The following UGT1A10 variants were observed in gnomAD, a reference collection of about 807,000 sequenced individuals.
UGT1A10 encodes the protein UDP glucuronosyltransferase family 1 member A10.
A neutral mutation model predicts 45.8 loss-of-function variants in UGT1A10; 49 were observed. The ratio of observed to expected loss-of-function variants is 1.07; its 90% confidence interval spans 0.85 to 1.36. UGT1A10 has a LOEUF of 1.36. Ranked by LOEUF, UGT1A10 falls within the 40% of genes most tolerant of loss-of-function variation. UGT1A10 has a pLI of 0.00. For synonymous variants in UGT1A10, 284 were observed against 249.7 expected (o/e 1.14, Z -1.29); for missense variants, 745 against 668.6 (o/e 1.11, Z -1.26).
At chr2:233,746,133 C>A (rs1693313600) in intron 1 of UGT1A10, among the ~76,000 whole-genome samples, 1 of 151,790 alleles carries the variant, frequency 6.6e-6, no homozygotes, top group African/African-American at 2.4e-5. Context: ...TGTGGACTGG[C>A]ACCTGAGTGA....
chr2:233,676,948 G>T (rs1392373524), intron 1 of UGT1A10, among the ~76,000 whole-genome samples: 2 of 152,014 alleles, frequency 1.3e-5, no homozygotes, highest in African/African-American at 4.8e-5. Flanking sequence ...TGAAATATTT[G>T]ATTACTATAG....
intron 1 of UGT1A10, among the ~76,000 whole-genome samples, chr2:233,685,068 G>A (rs143799403): frequency 6.6e-4 from 101 of 152,238 alleles, no homozygotes; most frequent in East Asian, 9.6e-4. Flanking sequence ...CTGCACAGGA[G>A]ATTTTTTTTC....
Position 233,751,190 on chromosome 2 carries a change from G to C in UGT1A10, c.856-15844G>C, listed in dbSNP as rs551144438. Among the ~76,000 whole-genome samples the C allele has an allele frequency of 1.2e-4, 18 of 152,080 alleles. 2 individuals carry two copies. Among genetic ancestry groups the C allele is most frequent in the African/African-American group, 4.4e-4 (18 of 41,324 alleles). ...CCTAGATATGAGACATGAAGTTAAA[G>C]GTGATAATTTTGGAGCTTTAAGATT... On this transcript the variant is annotated intron_variant, in intron 1 of 4. Transcript: ENST00000344644.
At chr2:233,725,215 C>G (rs1487154592) in intron 1 of UGT1A10, among the ~76,000 whole-genome samples, 2 of 85,916 alleles carry the variant, frequency 2.3e-5, no homozygotes, top group African/African-American at 2.0e-4. Context: ...GAGGCAGAGG[C>G]AGAGGAGGCA....
At chr2:233,698,678 A>G (rs1465077839) in intron 1 of UGT1A10, among the ~76,000 whole-genome samples, 1 of 152,248 alleles carries the variant, frequency 6.6e-6, no homozygotes, top group East Asian at 1.9e-4. Context: ...CAACTATAAA[A>G]CAAATACATT....
chr2:233,640,477 C>A (rs1439373455), intron 1 of UGT1A10, among the ~76,000 whole-genome samples: 4 of 152,128 alleles, frequency 2.6e-5, no homozygotes, highest in Admixed American at 1.3e-4. Flanking sequence ...AATATTATCT[C>A]ATTTCTAGCC....
In UGT1A10 at chr2:233,689,926, C is replaced by T. The variant is rs185092519; in HGVS notation, c.855+52549C>T. The T allele has an allele frequency of 1.9e-3, 845 of 456,594 alleles. 3 individuals are homozygous for T. Among genetic ancestry groups the T allele is most frequent in the Non-Finnish European group, 2.6e-3 (593 of 226,930 alleles). The allele number at this position is 456,594 out of a possible 1,614,324, so 28.3% of individuals were successfully genotyped here. A position where few individuals can be genotyped will look rare whatever the true frequency, so the allele number is the denominator to read the frequency against. ...CCAGGTAGGTGCCTGGAATTTCCTT[C>T]GAAAGAACCCAAGATTTTCCTTTAT... On this transcript the variant is annotated intron_variant, in intron 1 of 4. Transcript: ENST00000344644.
At chr2:233,700,536 A>T (rs2075571334) in intron 1 of UGT1A10, among the ~76,000 whole-genome samples, 1 of 152,216 alleles carries the variant, frequency 6.6e-6, no homozygotes, top group South Asian at 2.1e-4. Context: ...ACTCTAGGAG[A>T]ATGAGAATAA....
intron 1 of UGT1A10, chr2:233,717,992 T>C: frequency 2.4e-6 from 1 of 424,356 alleles, no homozygotes; most frequent in Non-Finnish European, 4.7e-6. Flanking sequence ...ATTCAGACTG[T>C]GCAAGATCTG....
chr2:233,766,494 G>T (rs1250106940), intron 1 of UGT1A10, among the ~76,000 whole-genome samples: 2 of 152,182 alleles, frequency 1.3e-5, no homozygotes, highest in Non-Finnish European at 2.9e-5. Flanking sequence ...GGCGTGGCAG[G>T]CCAGGGTGGT....
intron 1 of UGT1A10, among the ~76,000 whole-genome samples, chr2:233,697,405 G>A (rs1009403736): frequency 2.0e-5 from 3 of 151,756 alleles, no homozygotes; most frequent in African/African-American, 7.3e-5. Context: ...TTGTATTTCT[G>A]TGGTGTCAGT....
chr2:233,746,130 T>A (rs757715130), intron 1 of UGT1A10, among the ~76,000 whole-genome samples: 6 of 151,866 alleles, frequency 4.0e-5, no homozygotes, highest in Non-Finnish European at 8.8e-5. Context: ...AACTGTGGAC[T>A]GGCACCTGAG....
At chr2:233,661,044 T>G (rs947375889) in intron 1 of UGT1A10, among the ~76,000 whole-genome samples, 1 of 152,184 alleles carries the variant, frequency 6.6e-6, no homozygotes, top group African/African-American at 2.4e-5. Context: ...TATGCCTTTC[T>G]TATAACCATC....
intron 1 of UGT1A10, chr2:233,752,635 T>C (rs1695024610): frequency 6.6e-6 from 1 of 152,222 alleles, no homozygotes; most frequent in Admixed American, 6.5e-5. Flanking sequence ...AGCTGTTGTC[T>C]TAGTTACTGG....
At chr2:233,658,000 T>G (rs953898325) in intron 1 of UGT1A10, among the ~76,000 whole-genome samples, 1 of 149,992 alleles carries the variant, frequency 6.7e-6, no homozygotes, top group Non-Finnish European at 1.5e-5. Flanking sequence ...TTTCATATCC[T>G]GTGCCTAGTT....
chr2:233,758,687 A>T (rs1165998608), intron 1 of UGT1A10, among the ~76,000 whole-genome samples: 1 of 152,210 alleles, frequency 6.6e-6, no homozygotes, highest in Non-Finnish European at 1.5e-5. Flanking sequence ...CCCATAGGAC[A>T]CCAAAACTCT....
At chr2:233,642,894 C>G (rs1208978138) in intron 1 of UGT1A10, among the ~76,000 whole-genome samples, 1 of 152,174 alleles carries the variant, frequency 6.6e-6, no homozygotes. Context: ...CTCACTCTCT[C>G]TCTCTCTCTC....
intron 1 of UGT1A10, among the ~76,000 whole-genome samples, chr2:233,751,757 T>C (rs763533308): frequency 6.6e-6 from 1 of 152,222 alleles, no homozygotes; most frequent in Non-Finnish European, 1.5e-5. Flanking sequence ...CTTGCTGCCA[T>C]GTGAGACATG....
intron 1 of UGT1A10, chr2:233,729,480 C>T (rs2077866631): frequency 1.9e-6 from 3 of 1,614,046 alleles, no homozygotes; most frequent in South Asian, 1.1e-5. Context: ...CAATGTTGAA[C>T]AATATGTCTT....
Sources: gnomAD v4.1 joint callset for allele counts (sites outside exome capture counted in the v4.1 genomes callset) on GRCh38, gnomAD v4.1.1 for gene constraint, MANE v1.5 for transcripts, NCBI Gene and HGNC (gene_info 2026-07-23, HGNC 2026-07-21) for gene names.